The following CYTH1 variants were observed in gnomAD, a reference collection of about 807,000 sequenced individuals.
The protein encoded by CYTH1 is cytohesin-1.
A neutral mutation model predicts 61.8 loss-of-function variants in CYTH1; 18 were observed. The observed-to-expected ratio is 0.29, with a 90% CI of 0.20 to 0.43. The LOEUF is 0.43. CYTH1 is among the 20% of genes least tolerant of loss of function. CYTH1 has a pLI of 1.00. For synonymous variants in CYTH1, 174 were observed against 184.3 expected (o/e 0.94, Z 0.45); for missense variants, 336 against 510.5 (o/e 0.66, Z 3.29).
intron 1 of CYTH1, among the ~76,000 whole-genome samples, chr17:78,714,530 C>G (rs2093164664): frequency 6.6e-6 from 1 of 152,148 alleles, no homozygotes; most frequent in African/African-American, 2.4e-5. Flanking sequence ...GCCTAGCACA[C>G]TAAGGATTTC....
Position 78,700,454 on chromosome 17 carries a change from A to G in CYTH1, c.438-11T>C. On this transcript the variant is annotated splice_polypyrimidine_tract_variant and intron_variant, in intron 6 of 13. Transcript: ENST00000446868. This position sits in a 1 kb window ranked among gnomAD's most constrained non-coding sequence, Gnocchi z 5.1. ...CTCCACAGGAACTGCCTGAGTGGGTAAAGACAGAGTGTTCCAGAACTTGGG... is the reference window on the plus strand; with the variant it reads ...CTCCACAGGAACTGCCTGAGTGGGTGAAGACAGAGTGTTCCAGAACTTGGG... The G allele has an allele frequency of 6.2e-7, 1 of 1,604,874 alleles. No homozygotes were observed. The highest frequency in any genetic ancestry group is 1.1e-5 in the South Asian group (1 of 89,468).
chr17:78,712,482 G>A (rs1295417325), intron 1 of CYTH1, among the ~76,000 whole-genome samples: 3 of 151,536 alleles, frequency 2.0e-5, no homozygotes, highest in East Asian at 1.9e-4. Flanking sequence ...GTGAAACCCC[G>A]TCTCTACTAA....
At position 78,782,254 on chromosome 17, in the gene CYTH1, C is replaced by T; in HGVS notation, c.-31G>A. ...GGGAGCCGGGCTCCGCGCTCCGGCT[C>T]GCCGCTCGCGTCCCGCCGCGCCACC... On this transcript the variant is annotated 5_prime_UTR_variant, in exon 1 of 14. Transcript: ENST00000446868. 2.4e-6 allele frequency: 3 copies of T among 1,265,050 alleles called. No homozygotes were observed. The highest frequency in any genetic ancestry group is 3.0e-6 in the Non-Finnish European group (3 of 991,350). The allele number at this position is 1,265,050 out of a possible 1,614,324, so 78.4% of individuals were successfully genotyped here. A position where few individuals can be genotyped will look rare whatever the true frequency, so the allele number is the denominator to read the frequency against.
intron 1 of CYTH1, among the ~76,000 whole-genome samples, chr17:78,722,542 C>T (rs1378349082): frequency 6.6e-6 from 1 of 152,180 alleles, no homozygotes; most frequent in Non-Finnish European, 1.5e-5. Flanking sequence ...CTCCCCGTGC[C>T]TGCCAGCTGC....
chr17:78,701,648 G>T, intron 6 of CYTH1, 23 bp downstream of exon 6: 1 of 1,611,924 alleles, frequency 6.2e-7, no homozygotes, highest in Non-Finnish European at 8.5e-7. Flanking sequence ...CCTTCCAAAG[G>T]GGCTCACCTC....
chr17:78,679,721 G>A (rs11657403), intron 13 of CYTH1, among the ~76,000 whole-genome samples: 71,367 of 151,988 alleles, frequency 0.47, 17,379 homozygotes, highest in Non-Finnish European at 0.54. Context: ...CCCTCCTCCC[G>A]GACCTTGGAT....
At position 78,692,352 on chromosome 17, in the gene CYTH1, T is replaced by A. The variant is rs191432612; in HGVS notation, c.891+65A>T. 7.5e-5 allele frequency: 114 copies of A among 1,516,900 alleles called. 1 individual carries two copies. The East Asian group carries it at 2.4e-3, about 32-fold the overall frequency. The allele number at this position is 1,516,900 out of a possible 1,614,324, so 94.0% of individuals were successfully genotyped here. On this transcript the variant is annotated intron_variant, in intron 11 of 13. Coordinates refer to ENST00000446868, the MANE Select transcript of CYTH1 (RefSeq NM_004762.6). ...AACGGTCTCCTCAACCATGTCTGAT[T>A]AGAGACACTTGGAACCGGAGGCCTT...
intron 11 of CYTH1, among the ~76,000 whole-genome samples, chr17:78,683,557 G>T (rs558122460): frequency 1.3e-5 from 2 of 152,356 alleles, no homozygotes; most frequent in Admixed American, 6.5e-5. Context: ...GGTTCTGAGA[G>T]CTGAGTGAGG....
intron 1 of CYTH1, among the ~76,000 whole-genome samples, chr17:78,747,274 G>C (rs775325638): frequency 6.6e-6 from 1 of 151,842 alleles, no homozygotes; most frequent in African/African-American, 2.4e-5. Flanking sequence ...TGGGAAGATA[G>C]TGGCACAGGT....
At chr17:78,732,815 G>A (rs532836861) in intron 1 of CYTH1, among the ~76,000 whole-genome samples, 13 of 151,988 alleles carry the variant, frequency 8.6e-5, no homozygotes, top group Admixed American at 5.9e-4. Flanking sequence ...ACCACCGGGC[G>A]CGGTGGCTCC....
At chr17:78,681,443 T>G (rs1376611712) in intron 11 of CYTH1, among the ~76,000 whole-genome samples, 1 of 152,160 alleles carries the variant, frequency 6.6e-6, no homozygotes, top group East Asian at 1.9e-4. Flanking sequence ...AGCGCCCCGA[T>G]GCCTGGGACT....
At chr17:78,683,851 T>C (rs185331805) in intron 11 of CYTH1, among the ~76,000 whole-genome samples, 23 of 152,360 alleles carry the variant, frequency 1.5e-4, no homozygotes, top group African/African-American at 4.8e-4. Context: ...TAGGGTTTAA[T>C]TGGTGCCTGC....
intron 1 of CYTH1, among the ~76,000 whole-genome samples, chr17:78,736,345 TGGA>T (rs1294432752): frequency 2.6e-5 from 4 of 152,158 alleles, no homozygotes; most frequent in Non-Finnish European, 4.4e-5. Flanking sequence ...AAGCAAAGAT[TGGA>T]GGAGAACTTC....
chr17:78,769,603 T>C (rs897733066), intron 1 of CYTH1, among the ~76,000 whole-genome samples: 6 of 152,210 alleles, frequency 3.9e-5, no homozygotes, highest in African/African-American at 1.4e-4. Flanking sequence ...CCTTCACAGC[T>C]TGCTGCCATG....
chr17:78,764,137 C>T (rs1246824473), intron 1 of CYTH1, among the ~76,000 whole-genome samples: 1 of 151,652 alleles, frequency 6.6e-6, no homozygotes, highest in Non-Finnish European at 1.5e-5. Flanking sequence ...ATAGAATAAT[C>T]ATTTTCTTCT....
At chr17:78,686,115 T>C (rs751746438) in intron 11 of CYTH1, among the ~76,000 whole-genome samples, 2 of 152,218 alleles carry the variant, frequency 1.3e-5, no homozygotes, top group South Asian at 2.1e-4. Flanking sequence ...TCTGGTATTA[T>C]TGGGATCGTC....
intron 1 of CYTH1, among the ~76,000 whole-genome samples, chr17:78,756,990 T>A (rs957474332): frequency 2.1e-5 from 3 of 143,518 alleles, no homozygotes; most frequent in Non-Finnish European, 3.1e-5. Flanking sequence ...TTTTTTTTCT[T>A]TTTTTTTTTT....
chr17:78,724,392 G>C (rs1039201486), intron 1 of CYTH1, among the ~76,000 whole-genome samples: 2 of 152,202 alleles, frequency 1.3e-5, no homozygotes, highest in African/African-American at 4.8e-5. Context: ...ACCAAGGAGA[G>C]AAAGTAAAAG....
rs1294016392 is a variant in CYTH1, at chr17:78,760,374, TATATATATATACACAC to T, written c.22+21812_22+21827del. Among the ~76,000 whole-genome samples the T allele has an allele frequency of 9.5e-5, 6 of 63,052 alleles. No homozygotes were observed. In the East Asian group the frequency reaches 2.8e-3, roughly 29 times the overall value. 41.4% of individuals were successfully genotyped at this position (63,052 alleles called of 152,430 possible). On this transcript the variant is annotated intron_variant, in intron 1 of 13. Coordinates refer to ENST00000446868, the MANE Select transcript of CYTH1 (RefSeq NM_004762.6). ...GCAGGTTTATATATATATATATATA[TATATATATATACACAC>T]ACATACATATATATATGTGTATATA...
Sources: gnomAD v4.1 joint callset for allele counts (sites outside exome capture counted in the v4.1 genomes callset) on GRCh38, gnomAD v4.1.1 for gene constraint, Gnocchi (gnomAD v3.1) non-coding constraint, MANE v1.5 for transcripts, NCBI Gene and HGNC (gene_info 2026-07-23, HGNC 2026-07-21) for gene names.